The following MTMR7 variants were observed in gnomAD, a reference collection of about 807,000 sequenced individuals.
The protein encoded by MTMR7 is myotubularin related protein 7.
Under a neutral mutation model 81.2 loss-of-function variants are expected in MTMR7, and 76 were observed. The ratio of observed to expected loss-of-function variants is 0.94; its 90% CI spans 0.78 to 1.13. MTMR7 has a LOEUF of 1.13. Ranked by LOEUF, MTMR7 falls within the 50% of genes most tolerant of loss-of-function variation. MTMR7 has a pLI of 0.00. For synonymous variants in MTMR7, 372 were observed against 289.8 expected, an observed-to-expected ratio of 1.28 and a Z score of -2.88; for missense variants, 1,044 against 820.0, an observed-to-expected ratio of 1.27 and a Z score of -3.34.
intron 1 of MTMR7, among the ~76,000 whole-genome samples, chr8:17,405,178 A>G (rs1821540838): frequency 6.6e-6 from 1 of 152,194 alleles, no homozygotes; most frequent in Non-Finnish European, 1.5e-5. Flanking sequence ...TAGTGACAAT[A>G]TAGAGATAAA....
chr8:17,358,800 T>C (rs116001762), intron 4 of MTMR7, among the ~76,000 whole-genome samples: 3,963 of 152,278 alleles, frequency 0.026, 121 homozygotes, highest in African/African-American at 0.078. Flanking sequence ...AAGATTTTTC[T>C]TATAAAATAA....
chr8:17,340,386 A>T (rs1183601146), intron 6 of MTMR7, among the ~76,000 whole-genome samples: 2 of 152,268 alleles, frequency 1.3e-5, no homozygotes, highest in Non-Finnish European at 2.9e-5. Flanking sequence ...TCACAGGTCC[A>T]GGCACATTTT....
chr8:17,409,473 CAA>C (rs1388014240), intron 1 of MTMR7, among the ~76,000 whole-genome samples: 1 of 152,042 alleles, frequency 6.6e-6, no homozygotes. Context: ...CAAAAACAAA[CAA>C]ACAAACAAAA....
intron 1 of MTMR7, among the ~76,000 whole-genome samples, chr8:17,412,638 G>T (rs556915172): frequency 6.6e-6 from 1 of 152,136 alleles, no homozygotes; most frequent in African/African-American, 2.4e-5. Context: ...AGTGCGTGAC[G>T]AATCCGTAAG....
intron 1 of MTMR7, among the ~76,000 whole-genome samples, chr8:17,385,852 C>T (rs1820922226): frequency 6.6e-6 from 1 of 152,172 alleles, no homozygotes; most frequent in African/African-American, 2.4e-5. Context: ...AACTTTGGAA[C>T]CATGAGCCAA....
At chr8:17,405,869 CA>C (rs398007164) in intron 1 of MTMR7, among the ~76,000 whole-genome samples, 10 of 92,914 alleles carry the variant, frequency 1.1e-4, no homozygotes, top group African/African-American at 2.8e-4. Context: ...CACACACACA[CA>C]CACACACACC....
Position 17,349,035 on chromosome 8 carries a change from G to A in MTMR7, c.515C>T (p.Thr172Met), listed in dbSNP as rs770244541. 13 of 1,612,732 alleles carry A rather than the reference G, an allele frequency of 8.1e-6. No homozygotes were observed. The highest frequency in any genetic ancestry group is 1.3e-5 in the African/African-American group (1 of 74,406). The change falls in exon 5 of 14, where the codon ACG becomes ATG. Residue 172 changes from threonine to methionine, a missense_variant. By Grantham distance (81) the Thr-to-Met change is moderately conservative. Coordinates refer to ENST00000180173, the MANE Select transcript of MTMR7 (RefSeq NM_004686.5). ...PTELYVPKSA[T>M]AHIIVGSSKF... ...GGAACTCCCCACTATGATGTGTGCC[G>A]TGGCCGATTTGGGAACGTACAGTTC... is the stretch of plus-strand genomic sequence containing the variant.
At chr8:17,330,940 C>A (rs1412646779) in intron 7 of MTMR7, among the ~76,000 whole-genome samples, 1 of 152,192 alleles carries the variant, frequency 6.6e-6, no homozygotes, top group Non-Finnish European at 1.5e-5. Flanking sequence ...GAGTCCCTGA[C>A]TGCTAACCAC....
At chr8:17,399,724 T>A (rs1037570373) in intron 1 of MTMR7, among the ~76,000 whole-genome samples, 1 of 152,070 alleles carries the variant, frequency 6.6e-6, no homozygotes, top group Non-Finnish European at 1.5e-5. Context: ...TGAAAGGAAA[T>A]CAGTATGGCC....
intron 5 of MTMR7, among the ~76,000 whole-genome samples, 160 bp downstream of exon 5, chr8:17,348,793 T>A (rs969495357): frequency 8.5e-5 from 13 of 152,088 alleles, no homozygotes; most frequent in African/African-American, 3.1e-4. Context: ...GATAAGGACT[T>A]AGCATAGTTG....
At chr8:17,363,981 TAC>T (rs1820137577) in intron 3 of MTMR7, among the ~76,000 whole-genome samples, 1 of 149,480 alleles carries the variant, frequency 6.7e-6, no homozygotes, top group Non-Finnish European at 1.5e-5. Context: ...ATTGATGAAT[TAC>T]AGTTTCATAT....
chr8:17,332,505 G>GATC (rs1819054982), intron 6 of MTMR7, among the ~76,000 whole-genome samples: 1 of 152,170 alleles, frequency 6.6e-6, no homozygotes, highest in African/African-American at 2.4e-5. Context: ...TCACACAGCA[G>GATC]ACAGACAGAT....
At chr8:17,351,604 A>G (rs1819730107) in intron 4 of MTMR7, among the ~76,000 whole-genome samples, 1 of 152,204 alleles carries the variant, frequency 6.6e-6, no homozygotes, top group Non-Finnish European at 1.5e-5. Flanking sequence ...CCAGTCACCA[A>G]TGGCCAGGCT....
At chr8:17,314,903 T>G (rs1005515024) in intron 7 of MTMR7, among the ~76,000 whole-genome samples, 1 of 152,082 alleles carries the variant, frequency 6.6e-6, no homozygotes, top group Non-Finnish European at 1.5e-5. Flanking sequence ...AGGCCCAGCA[T>G]CACAGGCAGG....
intron 11 of MTMR7, among the ~76,000 whole-genome samples, chr8:17,305,535 C>T (rs1361608807): frequency 6.6e-6 from 1 of 152,152 alleles, no homozygotes; most frequent in Non-Finnish European, 1.5e-5. Flanking sequence ...AGCTGTCTAT[C>T]AGGCAGAAAC....
intron 6 of MTMR7, among the ~76,000 whole-genome samples, chr8:17,337,464 C>T (rs13250042): frequency 0.13 from 20,389 of 152,118 alleles, 1,549 homozygotes; most frequent in African/African-American, 0.16. Flanking sequence ...TGAGTTAGCC[C>T]TCATTTGAAA....
Position 17,357,361 on chromosome 8 carries a change from G to T in MTMR7, c.468+3756C>A, listed in dbSNP as rs7823018. Among the ~76,000 whole-genome samples the T allele has an allele frequency of 3.9e-3, 599 of 152,144 alleles. 4 individuals carry two copies. The highest frequency in any genetic ancestry group is 0.014 in the African/African-American group (582 of 41,508). On this transcript the variant is annotated intron_variant, in intron 4 of 13. Transcript: ENST00000180173. ...TACATGTTTCTTAAACGAAATGGAT[G>T]ACAAATACAAATGTTACCATGTTGA...
At chr8:17,308,442 C>A (rs1254155823) in intron 10 of MTMR7, among the ~76,000 whole-genome samples, 1 of 152,080 alleles carries the variant, frequency 6.6e-6, no homozygotes, top group Non-Finnish European at 1.5e-5. Context: ...TCCTGAAAAT[C>A]ACAGAATTAG....
chr8:17,368,409 T>A (rs1169835708), intron 3 of MTMR7, among the ~76,000 whole-genome samples: 1 of 152,224 alleles, frequency 6.6e-6, no homozygotes, highest in Admixed American at 6.5e-5. Flanking sequence ...TGTTGGTGAC[T>A]AACCAGAATA....
Sources: gnomAD v4.1 joint callset for allele counts (sites outside exome capture counted in the v4.1 genomes callset) on GRCh38, gnomAD v4.1.1 for gene constraint, MANE v1.5 for transcripts, NCBI Gene and HGNC (gene_info 2026-07-23, HGNC 2026-07-21) for gene names.